The following CHSY1 variants were observed in gnomAD, a reference collection of about 807,000 sequenced individuals.
CHSY1 encodes the protein chondroitin sulfate synthase 1.
CHSY1 carries 13 observed loss-of-function variants against 59.8 expected under a neutral mutation model. That is an observed-to-expected ratio of 0.22 (90% CI 0.14 to 0.35). The LOEUF is 0.35. Ranked by LOEUF, CHSY1 falls within the 10% of genes least tolerant of loss-of-function variation. The pLI is 1.00. For synonymous variants in CHSY1, 459 were observed against 401.2 expected (o/e 1.14, Z -1.72); for missense variants, 947 against 1,030.6 (o/e 0.92, Z 1.11).
intron 1 of CHSY1, among the ~76,000 whole-genome samples, chr15:101,236,296 C>T (rs1022458013): frequency 2.6e-5 from 4 of 152,158 alleles, no homozygotes; most frequent in Non-Finnish European, 5.9e-5. Flanking sequence ...CCCACAGTTC[C>T]CACATGTTGC....
chr15:101,238,983 G>C (rs189530383), intron 1 of CHSY1, among the ~76,000 whole-genome samples: 2 of 152,318 alleles, frequency 1.3e-5, no homozygotes, highest in East Asian at 3.9e-4. Flanking sequence ...TTCTGATGCG[G>C]TGACATATGG....
intron 2 of CHSY1, among the ~76,000 whole-genome samples, chr15:101,205,100 T>C (rs1251060895): frequency 6.6e-6 from 1 of 152,250 alleles, no homozygotes; most frequent in East Asian, 1.9e-4. Context: ...AAGTTTTTCC[T>C]CTGTAATCTA....
rs1201525406 is a variant in CHSY1, at chr15:101,178,614, T to C, written c.1183A>G (p.Arg395Gly). ...TCCCTCTGGGCGGAGTCCATTCCTC[T>C]TCGAGGGGGCTGGCCGTCAACTGCC... The part of the protein sequence containing the change: ...YSAVDGQPPR[R>G]GMDSAQREAL... Residue 395 changes from arginine to glycine, a missense_variant, in exon 3 of 3, where the codon AGA becomes GGA. Around this residue, in one of 4 missense-constraint regions of CHSY1, gnomAD observed 602 missense variants for 676.9 expected, o/e 0.89. Transcript: ENST00000254190. 6 of 1,614,076 alleles carry C rather than the reference T, an allele frequency of 3.7e-6. No homozygotes were observed. The Admixed American group carries it at 1.0e-4, about 27-fold the overall frequency.
intron 1 of CHSY1, among the ~76,000 whole-genome samples, chr15:101,245,606 C>A (rs564295791): frequency 6.6e-6 from 1 of 152,270 alleles, no homozygotes; most frequent in African/African-American, 2.4e-5. Context: ...GTGAAGCTGC[C>A]GGTGCAATGG....
chr15:101,178,572 C>G lies in CHSY1; in HGVS notation c.1225G>C (p.Val409Leu). ...SAQREALDDI[V>L]MQVMEMINAN... ...TTGATCATCTCCATGACCTGCATGA[C>G]AATGTCGTCCAAGGCTTCCCTCTGG... Residue 409 changes from valine to leucine, a missense_variant, in exon 3 of 3, where the codon GTC becomes CTC. Coordinates refer to ENST00000254190, the MANE Select transcript of CHSY1 (RefSeq NM_014918.5). 1 of 1,614,254 alleles carries G rather than the reference C, an allele frequency of 6.2e-7. No homozygotes were observed. The highest frequency in any genetic ancestry group is 8.5e-7 in the Non-Finnish European group (1 of 1,180,038).
intron 2 of CHSY1, chr15:101,186,932 G>A (rs2038377863): frequency 6.6e-6 from 1 of 152,218 alleles, no homozygotes; most frequent in African/African-American, 2.4e-5. Flanking sequence ...ATGTCAGAAC[G>A]AGTCACAAAT....
At chr15:101,248,950 CTAATT>C (rs1270030232) in intron 1 of CHSY1, among the ~76,000 whole-genome samples, 1 of 138,884 alleles carries the variant, frequency 7.2e-6, no homozygotes, top group Non-Finnish European at 1.5e-5. Flanking sequence ...CCAAGCCTGG[CTAATT>C]TTTTTTTTTT....
At chr15:101,185,284 A>G (rs903074455) in intron 2 of CHSY1, among the ~76,000 whole-genome samples, 4 of 152,258 alleles carry the variant, frequency 2.6e-5, no homozygotes, top group African/African-American at 9.6e-5. Flanking sequence ...CCAGGTTAGG[A>G]AAGAAATTCA....
chr15:101,229,259 G>A (rs2038870489), intron 2 of CHSY1, among the ~76,000 whole-genome samples: 1 of 152,202 alleles, frequency 6.6e-6, no homozygotes, highest in Non-Finnish European at 1.5e-5. Flanking sequence ...CTCCAATTAT[G>A]AGGCAATATT....
chr15:101,245,731 A>G (rs1381268918), intron 1 of CHSY1, among the ~76,000 whole-genome samples: 1 of 152,192 alleles, frequency 6.6e-6, no homozygotes, highest in Non-Finnish European at 1.5e-5. Flanking sequence ...GCGCTTCAAG[A>G]TCTTGAACCT....
At chr15:101,245,229 C>A (rs188274189) in intron 1 of CHSY1, among the ~76,000 whole-genome samples, 1 of 152,334 alleles carries the variant, frequency 6.6e-6, no homozygotes, top group African/African-American at 2.4e-5. Context: ...ACTCTACCAC[C>A]CACAGCCTAC....
Position 101,178,171 on chromosome 15 carries a change from C to A in CHSY1, c.1626G>T (p.Gly542=). The change falls in exon 3 of 3, where the codon GGG becomes GGT. Residue 542 remains glycine (G), a synonymous_variant. Transcript: ENST00000254190. Reference sequence around the variant, plus strand: ...TAAATCTCACAAACATGTCGAAACGCCCAGACAAAGGAATCAGTATGTTTA... The same window carrying A: ...TAAATCTCACAAACATGTCGAAACGACCAGACAAAGGAATCAGTATGTTTA... The part of the protein sequence containing the change: ...KKINILIPLS[G]RFDMFVRFMG... 3 of 1,614,210 alleles carry A rather than the reference C, an allele frequency of 1.9e-6. No individual in the cohort carries two copies. The highest frequency in any genetic ancestry group is 2.5e-6 in the Non-Finnish European group (3 of 1,180,046).
At chr15:101,243,465 C>G (rs896154207) in intron 1 of CHSY1, among the ~76,000 whole-genome samples, 28 of 152,340 alleles carry the variant, frequency 1.8e-4, no homozygotes, top group African/African-American at 6.7e-4. Context: ...AAATCACCGT[C>G]TCCCTGAACT....
intron 2 of CHSY1, among the ~76,000 whole-genome samples, chr15:101,215,657 C>T (rs545018333): frequency 6.6e-6 from 1 of 152,208 alleles, no homozygotes; most frequent in South Asian, 2.1e-4. Flanking sequence ...ATCGCTTGAA[C>T]CTGGGAGGTG....
chr15:101,233,853 G>C (rs2038914641), intron 2 of CHSY1, among the ~76,000 whole-genome samples: 1 of 152,176 alleles, frequency 6.6e-6, no homozygotes, highest in South Asian at 2.1e-4. Flanking sequence ...ACAAGTACAG[G>C]CAAGAATACT....
intron 2 of CHSY1, chr15:101,188,080 T>C: frequency 2.0e-6 from 2 of 985,492 alleles, no homozygotes; most frequent in Non-Finnish European, 2.4e-6. Context: ...TCCTGTTAAC[T>C]GTTTACATGA....
chr15:101,199,570 G>T (rs555232342), intron 2 of CHSY1, among the ~76,000 whole-genome samples: 1 of 152,226 alleles, frequency 6.6e-6, no homozygotes, highest in African/African-American at 2.4e-5. Flanking sequence ...GACTGGTTGC[G>T]CAACTTACAT....
intron 2 of CHSY1, among the ~76,000 whole-genome samples, chr15:101,197,562 G>C (rs2038521867): frequency 6.6e-6 from 1 of 151,978 alleles, no homozygotes; most frequent in Non-Finnish European, 1.5e-5. Flanking sequence ...GACAAATTCA[G>C]GGCAAATATC....
At chr15:101,180,117 T>C (rs933110228) in intron 2 of CHSY1, among the ~76,000 whole-genome samples, 2 of 152,238 alleles carry the variant, frequency 1.3e-5, no homozygotes, top group Non-Finnish European at 2.9e-5. Flanking sequence ...ATGCTGACTC[T>C]TTCCTGAGCC....
Sources: gnomAD v4.1 joint callset for allele counts (sites outside exome capture counted in the v4.1 genomes callset) on GRCh38, gnomAD v4.1.1 for gene constraint, gnomAD v4.1.1 regional missense constraint, MANE v1.5 for transcripts, NCBI Gene and HGNC (gene_info 2026-07-23, HGNC 2026-07-21) for gene names.